Variants in LEKR1 observed in about 807,000 individuals in gnomAD.
The protein encoded by LEKR1 is leucine, glutamate and lysine rich 1.
A neutral mutation model predicts 72.4 loss-of-function variants in LEKR1; 59 were observed. That is an observed-to-expected ratio of 0.82 (90% CI 0.66 to 1.01). The LOEUF (loss-of-function observed/expected upper bound fraction) is 1.01. LEKR1 is among the 50% of genes least tolerant of loss of function. The pLI is 0.00. For missense variants in LEKR1, 728 were observed against 759.2 expected (o/e 0.96, Z 0.48); for synonymous variants, 257 against 263.2 (o/e 0.98, Z 0.23).
intron 3 of LEKR1, among the ~76,000 whole-genome samples, chr3:156,854,408 A>T (rs900085992): frequency 2.0e-5 from 3 of 151,954 alleles, no homozygotes; most frequent in Non-Finnish European, 4.4e-5. Context: ...GGCCTCCCAA[A>T]CTGTTGGCAT....
At chr3:157,029,427 T>G (rs1027939839) in intron 12 of LEKR1, among the ~76,000 whole-genome samples, 2 of 152,126 alleles carry the variant, frequency 1.3e-5, no homozygotes, top group Admixed American at 1.3e-4. Context: ...ATAATTTCCA[T>G]AAGGTCAGAC....
intron 10 of LEKR1, among the ~76,000 whole-genome samples, chr3:157,020,815 A>G (rs975875439): frequency 1.3e-5 from 2 of 152,014 alleles, no homozygotes; most frequent in Admixed American, 1.3e-4. Flanking sequence ...TGCTGGGTCA[A>G]ATGGTATTTC....
chr3:156,919,064 A>G (rs1199575313), intron 3 of LEKR1, among the ~76,000 whole-genome samples: 2 of 152,222 alleles, frequency 1.3e-5, no homozygotes, highest in African/African-American at 4.8e-5. Context: ...GGTTGTTAAA[A>G]TACGAGAGAG....
At chr3:156,876,162 G>A (rs1718551048) in intron 3 of LEKR1, among the ~76,000 whole-genome samples, 1 of 151,932 alleles carries the variant, frequency 6.6e-6, no homozygotes, top group Non-Finnish European at 1.5e-5. Flanking sequence ...TTTATTTCTG[G>A]GTTCTCTCTT....
chr3:156,969,163 A>G (rs1728911566), intron 6 of LEKR1, among the ~76,000 whole-genome samples: 1 of 152,218 alleles, frequency 6.6e-6, no homozygotes, highest in African/African-American at 2.4e-5. Context: ...AAATGCCCAC[A>G]AGAGAAAGCA....
At chr3:156,886,901 T>C (rs1328492580) in intron 3 of LEKR1, among the ~76,000 whole-genome samples, 1 of 152,204 alleles carries the variant, frequency 6.6e-6, no homozygotes, top group East Asian at 1.9e-4. Context: ...TTAGAATCAT[T>C]ATATGTGTCT....
At chr3:156,880,515 A>C (rs1194300917) in intron 3 of LEKR1, among the ~76,000 whole-genome samples, 1 of 152,244 alleles carries the variant, frequency 6.6e-6, no homozygotes, top group Non-Finnish European at 1.5e-5. Flanking sequence ...TCAATAGCTT[A>C]CCAACCAAAA....
chr3:157,022,908 T>A (rs978637124), intron 10 of LEKR1, among the ~76,000 whole-genome samples: 2 of 152,254 alleles, frequency 1.3e-5, no homozygotes, highest in African/African-American at 4.8e-5. Flanking sequence ...AATAACTCTT[T>A]GCATTCAGTA....
chr3:156,894,379 A>C (rs1369635279), intron 3 of LEKR1, among the ~76,000 whole-genome samples: 6 of 152,212 alleles, frequency 3.9e-5, no homozygotes, highest in Admixed American at 1.3e-4. Context: ...ATTCCTAAGA[A>C]ATATTATTGA....
intron 6 of LEKR1, among the ~76,000 whole-genome samples, chr3:156,958,896 A>G (rs970003422): frequency 3.9e-5 from 6 of 152,040 alleles, no homozygotes; most frequent in African/African-American, 1.4e-4. Context: ...TTCCCATTCA[A>G]ATCGTTTTGT....
chr3:157,009,836 A>G (rs935407755), intron 9 of LEKR1, among the ~76,000 whole-genome samples: 4 of 152,098 alleles, frequency 2.6e-5, no homozygotes, highest in African/African-American at 9.6e-5. Context: ...TTTAATAGGC[A>G]CTTGTAAGTT....
chr3:156,914,322 A>G (rs1204755021), intron 3 of LEKR1, among the ~76,000 whole-genome samples: 1 of 150,786 alleles, frequency 6.6e-6, no homozygotes, highest in Non-Finnish European at 1.5e-5. Flanking sequence ...TAGTTTCCCC[A>G]CCCTCAACAG....
At chr3:156,972,265 CTCACTT>C (rs1316540915) in intron 6 of LEKR1, among the ~76,000 whole-genome samples, 1 of 151,478 alleles carries the variant, frequency 6.6e-6, no homozygotes, top group Non-Finnish European at 1.5e-5. Flanking sequence ...ACCGCATGTT[CTCACTT>C]ATAGGTGGGA....
At chr3:156,965,073 C>A (rs1023647064) in intron 6 of LEKR1, among the ~76,000 whole-genome samples, 2 of 152,106 alleles carry the variant, frequency 1.3e-5, no homozygotes, top group South Asian at 2.1e-4. Context: ...TGATTTTATG[C>A]AAAATTTGGA....
At chr3:156,931,021 C>T (rs1725177220) in intron 5 of LEKR1, among the ~76,000 whole-genome samples, 1 of 151,942 alleles carries the variant, frequency 6.6e-6, no homozygotes, top group African/African-American at 2.4e-5. Context: ...ATGGATAGGA[C>T]ATAGAAGTAA....
At chr3:157,041,483 A>G (rs576958295) in intron 12 of LEKR1, among the ~76,000 whole-genome samples, 37 of 152,064 alleles carry the variant, frequency 2.4e-4, no homozygotes, top group African/African-American at 8.9e-4. Flanking sequence ...ACACTAATAA[A>G]TTTTCTCTTG....
intron 12 of LEKR1, among the ~76,000 whole-genome samples, chr3:157,038,626 A>G (rs565258774): frequency 6.6e-6 from 1 of 152,326 alleles, no homozygotes; most frequent in South Asian, 2.1e-4. Flanking sequence ...ACTTCTGGTG[A>G]GGTGGGAAGA....
intron 6 of LEKR1, among the ~76,000 whole-genome samples, chr3:156,967,034 C>A (rs1293396950): frequency 6.6e-6 from 1 of 152,204 alleles, no homozygotes; most frequent in Non-Finnish European, 1.5e-5. Context: ...GAGTGGACCT[C>A]CAGCAAACTC....
intron 4 of LEKR1, among the ~76,000 whole-genome samples, chr3:156,926,017 C>T (rs564627583): frequency 5.9e-5 from 9 of 151,972 alleles, no homozygotes; most frequent in East Asian, 3.9e-4. Flanking sequence ...AGAAGCAAAT[C>T]GTAATAACTT....
Sources: allele counts gnomAD v4.1 joint callset (sites outside exome capture counted in the v4.1 genomes callset), GRCh38; gene constraint gnomAD v4.1.1; transcripts MANE v1.5; gene names NCBI Gene and HGNC (gene_info 2026-07-23, HGNC 2026-07-21).